Variants in DEPDC5 observed in about 807,000 individuals in gnomAD.
DEPDC5 encodes the protein GATOR1 complex protein DEPDC5.
A neutral mutation model predicts 217.3 loss-of-function variants in DEPDC5; 73 were observed. The ratio of observed to expected loss-of-function variants is 0.34; its 90% CI spans 0.28 to 0.41. The LOEUF is 0.41. DEPDC5 is among the 10% of genes least tolerant of loss of function. The pLI is 1.00. For synonymous variants in DEPDC5, 733 were observed against 756.7 expected (o/e 0.97, Z 0.51); for missense variants, 1,675 against 2,070.1 (o/e 0.81, Z 3.70).
rs758883996 is a variant in DEPDC5, at chr22:31,763,901, TTTATG to T, written c.194-1056_194-1052del. On this transcript the variant is annotated intron_variant, in intron 4 of 42. Transcript: ENST00000651528. ...TGTTATGTTGTGTGGTGTTATGTTTTTTATGTTATGTTATGTTATGTTTGTTATGT... is the reference window on the plus strand; with the variant it reads ...TGTTATGTTGTGTGGTGTTATGTTTTTTATGTTATGTTATGTTTGTTATGT... Among the ~76,000 whole-genome samples, 44 of 152,212 alleles carry T rather than the reference TTTATG, an allele frequency of 2.9e-4. No individual in the cohort carries two copies. The Middle Eastern group carries it at 0.014, about 47-fold the overall frequency.
At chr22:31,874,247 TC>T in intron 35 of DEPDC5, 25 bp from the exon 36 acceptor site, 2 of 1,598,218 alleles carry the variant, frequency 1.3e-6, no homozygotes, top group Non-Finnish European at 1.7e-6. Context: ...CATCCCCTGC[TC>T]CCCGTTCACC....
At chr22:31,790,542 A>C (rs532267788) in intron 10 of DEPDC5, among the ~76,000 whole-genome samples, 2 of 152,240 alleles carry the variant, frequency 1.3e-5, no homozygotes, top group East Asian at 3.9e-4. Context: ...TGAGACTAGT[A>C]GGGTGTGGGA....
chr22:31,883,435 G>A (rs1328378294), intron 38 of DEPDC5, among the ~76,000 whole-genome samples: 1 of 152,156 alleles, frequency 6.6e-6, no homozygotes, highest in African/African-American at 2.4e-5. Flanking sequence ...TGGCCCCTGG[G>A]CTCCTCTTGT....
At position 31,822,774 on chromosome 22, in the gene DEPDC5, T is replaced by C. The variant is rs1392957764; in HGVS notation, c.2088T>C (p.Leu696=). 3.7e-6 allele frequency: 6 copies of C among 1,613,996 alleles called. No individual in the cohort carries two copies. The highest frequency in any genetic ancestry group is 1.7e-4 in the Middle Eastern group (1 of 6,058). ...SGTEELSVGL[L]SNSGAGMNPR... Reference sequence around the variant, plus strand: ...CAGAGGAGCTTTCTGTCGGCCTGCTTAGCAACAGTGGTGCAGGTAACCAAT... The same window carrying C: ...CAGAGGAGCTTTCTGTCGGCCTGCTCAGCAACAGTGGTGCAGGTAACCAAT... The change falls in exon 24 of 43, where the codon CTT becomes CTC. Residue 696 remains leucine, a synonymous_variant. Coordinates refer to ENST00000651528, the MANE Select transcript of DEPDC5 (RefSeq NM_001242896.3).
chr22:31,841,817 TC>T (rs2148993673), intron 27 of DEPDC5, among the ~76,000 whole-genome samples: 1 of 152,332 alleles, frequency 6.6e-6, no homozygotes, highest in East Asian at 1.9e-4. Context: ...GTTGGGGTTT[TC>T]CTTTTGATTT....
chr22:31,902,015 T>C (rs928523228), intron 41 of DEPDC5, among the ~76,000 whole-genome samples: 1 of 152,166 alleles, frequency 6.6e-6, no homozygotes, highest in African/African-American at 2.4e-5. Flanking sequence ...TTTTCAGACC[T>C]CATTATTTTC....
At chr22:31,882,570 C>A (rs185311496) in intron 38 of DEPDC5, among the ~76,000 whole-genome samples, 15 of 152,314 alleles carry the variant, frequency 9.8e-5, no homozygotes, top group East Asian at 9.6e-4. Flanking sequence ...CCACTGATTT[C>A]TTGGAAGTGT....
At chr22:31,754,828 C>A in intron 1 of DEPDC5, 34 bp from the exon 2 acceptor site, 1 of 1,451,790 alleles carries the variant, frequency 6.9e-7, no homozygotes, top group Non-Finnish European at 9.6e-7. Context: ...AAAAATCTGA[C>A]ATTCCAACCT....
chr22:31,800,342 G>A (rs982710344), intron 14 of DEPDC5, among the ~76,000 whole-genome samples: 1 of 152,276 alleles, frequency 6.6e-6, no homozygotes, highest in African/African-American at 2.4e-5. Flanking sequence ...GCCTCTGACA[G>A]CTATGCATGT....
chr22:31,771,717 A>ACG (rs1283644350), intron 7 of DEPDC5, among the ~76,000 whole-genome samples: 1 of 14,120 alleles, frequency 7.1e-5, no homozygotes, highest in South Asian at 5.3e-3. Flanking sequence ...AGACTCCGTC[A>ACG]CACACACACA....
chr22:31,839,096 C>T lies in DEPDC5; in HGVS notation c.2515+251C>T, dbSNP rs572058263. Among the ~76,000 whole-genome samples, 7 of 152,258 alleles carry T rather than the reference C, an allele frequency of 4.6e-5. No homozygotes were observed. In the East Asian group the frequency reaches 1.2e-3, roughly 25 times the overall value. ...CAAGTTCAGGAATGGGACAGCCTGG[C>T]TTGGACAGACACCTGGGAATAGTAG... On this transcript the variant is annotated intron_variant, in intron 27 of 42. Coordinates refer to ENST00000651528, the MANE Select transcript of DEPDC5 (RefSeq NM_001242896.3).
Position 31,819,168 on chromosome 22 carries a change from C to T in DEPDC5, c.1813C>T (p.Arg605Trp), listed in dbSNP as rs1335111412. The change falls in exon 22 of 43, where the codon CGG (arginine) becomes TGG (tryptophan). Residue 605 changes from arginine to tryptophan, a missense_variant. Around this residue, in one of 11 missense-constraint regions of DEPDC5, gnomAD observed 628 missense variants for 762.1 expected, o/e 0.82. Coordinates refer to ENST00000651528, the MANE Select transcript of DEPDC5 (RefSeq NM_001242896.3). ...ACTGATTAACCCCTTCGCTCCCTCT[C>T]GGATGCCCATGAAGCTTACGTCCAA... is the stretch of plus-strand genomic sequence containing the variant. ...RALINPFAPS[R>W]MPMKLTSNRR... 5.6e-6 allele frequency: 9 copies of T among 1,614,194 alleles called. No individual in the cohort carries two copies. Among genetic ancestry groups the T allele is most frequent in the Non-Finnish European group, 6.8e-6 (8 of 1,180,036 alleles).
At chr22:31,862,938 T>C (rs747291252) in intron 33 of DEPDC5, among the ~76,000 whole-genome samples, 4 of 152,210 alleles carry the variant, frequency 2.6e-5, no homozygotes, top group Non-Finnish European at 5.9e-5. Context: ...GGTAGTATCT[T>C]ACTCGGTTGT....
chr22:31,882,188 A>C (rs140652122), intron 38 of DEPDC5, among the ~76,000 whole-genome samples: 3 of 152,302 alleles, frequency 2.0e-5, no homozygotes, highest in African/African-American at 7.2e-5. Context: ...TTCTCATGAA[A>C]TCAAGTTTAT....
intron 4 of DEPDC5, among the ~76,000 whole-genome samples, chr22:31,761,092 C>G (rs772781600): frequency 6.6e-6 from 1 of 152,056 alleles, no homozygotes; most frequent in African/African-American, 2.4e-5. Flanking sequence ...CACCATTCTC[C>G]TCCCTCAGCC....
intron 41 of DEPDC5, among the ~76,000 whole-genome samples, chr22:31,902,211 A>G (rs1468200303): frequency 6.6e-6 from 1 of 151,950 alleles, no homozygotes; most frequent in Non-Finnish European, 1.5e-5. Flanking sequence ...TTGGCACCTA[A>G]TATGTGTGCC....
At chr22:31,760,573 C>T (rs1445151990) in intron 3 of DEPDC5, 83 bp from the exon 4 acceptor site, 3 of 1,197,916 alleles carry the variant, frequency 2.5e-6, no homozygotes, top group Admixed American at 4.1e-5. Context: ...CCAGAGTGAC[C>T]TATTTGCCTT....
At chr22:31,887,156 C>T (rs1249629499) in intron 38 of DEPDC5, among the ~76,000 whole-genome samples, 4 of 151,344 alleles carry the variant, frequency 2.6e-5, no homozygotes, top group South Asian at 2.1e-4. Context: ...TGTTGGCTCA[C>T]GCCTGTAATC....
chr22:31,768,726 T>G (rs897618159), intron 6 of DEPDC5, 88 bp from the exon 7 acceptor site: 2 of 1,147,520 alleles, frequency 1.7e-6, no homozygotes, highest in African/African-American at 3.1e-5. Context: ...TGATTTTTCA[T>G]GGCCTTAATA....
Sources: gnomAD v4.1 joint callset for allele counts (sites outside exome capture counted in the v4.1 genomes callset) on GRCh38, gnomAD v4.1.1 for gene constraint, gnomAD v4.1.1 regional missense constraint, MANE v1.5 for transcripts, NCBI Gene and HGNC (gene_info 2026-07-23, HGNC 2026-07-21) for gene names.